Variants in C14orf39 observed in about 807,000 individuals in gnomAD.
The protein encoded by C14orf39 is protein SIX6OS1.
A neutral mutation model predicts 85.6 loss-of-function variants in C14orf39; 66 were observed. That is an observed-to-expected ratio of 0.77 (90% CI 0.63 to 0.95). The LOEUF (loss-of-function observed/expected upper bound fraction) is 0.95, where lower values mean the gene tolerates loss of function less well. C14orf39 is among the 40% of genes least tolerant of loss of function. The probability of loss-of-function intolerance (pLI) is 0.00; values close to 1 mark genes in which losing one functional copy is unlikely to be tolerated. For missense variants in C14orf39, 735 were observed against 663.9 expected (o/e 1.11, Z -1.18); for synonymous variants, 242 against 214.0 (o/e 1.13, Z -1.14).
chr14:60,471,621 TTTC>T lies in C14orf39; in HGVS notation c.439_441del (p.Glu147del), dbSNP rs759469370. ...GTACATGCCAACACTCTGCTTTGAA[TTTC>T]TTCATGTTCTCTTTTCTTCTCATAA... On this transcript the variant is annotated inframe_deletion, in exon 6 of 18. Coordinates refer to ENST00000321731, the MANE Select transcript of C14orf39 (RefSeq NM_174978.3). The T allele has an allele frequency of 2.5e-5, 40 of 1,611,202 alleles. No individual in the cohort carries two copies. The highest frequency in any genetic ancestry group is 3.2e-5 in the Non-Finnish European group (38 of 1,178,568).
chr14:60,467,162 C>CT, intron 9 of C14orf39, 118 bp from the exon 10 acceptor site: 1 of 429,004 alleles, frequency 2.3e-6, no homozygotes. Flanking sequence ...GATAATAAAA[C>CT]TGAGTTCCAA....
intron 11 of C14orf39, 70 bp downstream of exon 11, chr14:60,465,909 G>A (rs903802759): frequency 2.9e-6 from 2 of 700,720 alleles, no homozygotes; most frequent in Non-Finnish European, 4.6e-6. Context: ...TGTCTTAAGG[G>A]CAGTACATTC....
chr14:60,485,313 G>C (rs1177781983), intron 1 of C14orf39, among the ~76,000 whole-genome samples: 2 of 152,202 alleles, frequency 1.3e-5, no homozygotes, highest in Non-Finnish European at 2.9e-5. Flanking sequence ...GGCACGACTT[G>C]AAGTTTTGGG....
chr14:60,480,818 T>C (rs183452614), intron 4 of C14orf39, among the ~76,000 whole-genome samples: 13 of 152,258 alleles, frequency 8.5e-5, no homozygotes, highest in African/African-American at 2.6e-4. Context: ...TAAATGGAAC[T>C]AAAGGATGTT....
intron 16 of C14orf39, among the ~76,000 whole-genome samples, chr14:60,443,787 T>G (rs964212640): frequency 6.6e-6 from 1 of 152,078 alleles, no homozygotes; most frequent in Non-Finnish European, 1.5e-5. Flanking sequence ...GACAGACACC[T>G]CAAACAGGTA....
chr14:60,475,297 C>T (rs926481629), intron 5 of C14orf39, among the ~76,000 whole-genome samples: 1 of 152,030 alleles, frequency 6.6e-6, no homozygotes, highest in South Asian at 2.1e-4. Flanking sequence ...GTCTTTTCTT[C>T]ATTAGTCTTG....
chr14:60,508,448 T>A (rs1304933201), intron 1 of C14orf39, among the ~76,000 whole-genome samples: 1 of 152,168 alleles, frequency 6.6e-6, no homozygotes, highest in Non-Finnish European at 1.5e-5. Context: ...TCTTAAAGTG[T>A]CTGACTTCGT....
chr14:60,509,558 C>G (rs200859196), intron 1 of C14orf39: 4 of 1,611,508 alleles, frequency 2.5e-6, no homozygotes, highest in African/African-American at 1.3e-5. Flanking sequence ...TGAGTCGGTG[C>G]TACGCGCACG....
chr14:60,451,474 G>A (rs974819168), intron 16 of C14orf39, among the ~76,000 whole-genome samples: 4 of 152,162 alleles, frequency 2.6e-5, no homozygotes, highest in African/African-American at 9.7e-5. Flanking sequence ...TTAAGAAAAT[G>A]TGGCACATAT....
chr14:60,475,892 C>T (rs1477031533), intron 5 of C14orf39, among the ~76,000 whole-genome samples: 1 of 151,982 alleles, frequency 6.6e-6, no homozygotes, highest in South Asian at 2.1e-4. Context: ...TTTCTCATTT[C>T]TTGGATCAAG....
intron 16 of C14orf39, among the ~76,000 whole-genome samples, chr14:60,452,524 C>G (rs1891085392): frequency 6.6e-6 from 1 of 150,420 alleles, no homozygotes; most frequent in Non-Finnish European, 1.5e-5. Flanking sequence ...GGACTGGGGA[C>G]AGGTGGGAAT....
At chr14:60,458,616 T>G in intron 14 of C14orf39, 62 bp downstream of exon 14, 1 of 1,170,290 alleles carries the variant, frequency 8.5e-7, no homozygotes, top group East Asian at 2.4e-5. Flanking sequence ...GAAATTTAAA[T>G]AGACATAATA....
At chr14:60,475,247 T>C (rs1330065898) in intron 5 of C14orf39, among the ~76,000 whole-genome samples, 1 of 152,176 alleles carries the variant, frequency 6.6e-6, no homozygotes, top group African/African-American at 2.4e-5. Context: ...GGTGGTGATA[T>C]CCCCTTTATC....
In C14orf39 at chr14:60,485,066, G is replaced by T. The variant is rs772620634; in HGVS notation, c.13C>A (p.Leu5Met). The stretch of plus-strand genomic sequence containing the variant: ...AAAAGTCTGTCCAAACTGACAAACA[G>T]GCTGTCATTCATCTTGGATACTATG... MNDS[L>M]FVSLDRLLLE... The change falls in exon 2 of 18, where the codon CTG (leucine) becomes ATG (methionine). Residue 5 changes from leucine to methionine, a missense_variant. By Grantham distance (15) the Leu-to-Met change is conservative (BLOSUM62 2). Transcript: ENST00000321731. 1 of 1,608,576 alleles carries T rather than the reference G, an allele frequency of 6.2e-7. No individual in the cohort carries two copies. Among genetic ancestry groups the T allele is most frequent in the Non-Finnish European group, 8.5e-7 (1 of 1,178,906 alleles).
At chr14:60,475,836 C>T (rs1024721848) in intron 5 of C14orf39, among the ~76,000 whole-genome samples, 1 of 152,016 alleles carries the variant, frequency 6.6e-6, no homozygotes, top group Non-Finnish European at 1.5e-5. Context: ...CAAAAAAATT[C>T]GTAGAAAAAT....
intron 10 of C14orf39, 23 bp downstream of exon 10, chr14:60,466,894 T>C: frequency 6.9e-7 from 1 of 1,453,180 alleles, no homozygotes; most frequent in Non-Finnish European, 9.1e-7. Flanking sequence ...ATGATGTTTT[T>C]GAATAACAAA....
intron 13 of C14orf39, among the ~76,000 whole-genome samples, chr14:60,460,649 G>C (rs1032599981): frequency 6.6e-6 from 1 of 151,690 alleles, no homozygotes; most frequent in Non-Finnish European, 1.5e-5. Flanking sequence ...ACTCACATGT[G>C]ATTATGTTAA....
intron 16 of C14orf39, among the ~76,000 whole-genome samples, chr14:60,445,672 G>C (rs572045166): frequency 2.6e-5 from 4 of 152,204 alleles, no homozygotes; most frequent in South Asian, 2.1e-4. Flanking sequence ...AAGTTAACAA[G>C]GATATCCAGG....
chr14:60,488,085 G>A (rs1892932498), upstream of C14orf39, among the ~76,000 whole-genome samples: 1 of 152,114 alleles, frequency 6.6e-6, no homozygotes, highest in Admixed American at 6.5e-5. Flanking sequence ...AATATAAAGT[G>A]TAAATCTATT....
Sources: allele counts gnomAD v4.1 joint callset (sites outside exome capture counted in the v4.1 genomes callset), GRCh38; gene constraint gnomAD v4.1.1; transcripts MANE v1.5; gene names NCBI Gene and HGNC (gene_info 2026-07-23, HGNC 2026-07-21).